The following PHACTR4 variants were observed in gnomAD, a reference collection of about 807,000 sequenced individuals.
PHACTR4 encodes phosphatase and actin regulator 4, also known as protein phosphatase 1, regulatory subunit 124.
Under a neutral mutation model 72.7 loss-of-function variants are expected in PHACTR4, and 51 were observed. The observed-to-expected ratio is 0.70, with a 90% CI of 0.56 to 0.89. PHACTR4 has a LOEUF of 0.89. Among genes scored for constraint, PHACTR4 ranks in the 40% least tolerant of loss-of-function variants. The pLI, the probability that PHACTR4 is intolerant of heterozygous loss-of-function variation, is 0.00. For synonymous variants in PHACTR4, 255 were observed against 302.5 expected, an observed-to-expected ratio of 0.84 and a Z score of 1.63; for missense variants, 731 against 861.8, an observed-to-expected ratio of 0.85 and a Z score of 1.90.
intron 1 of PHACTR4, among the ~76,000 whole-genome samples, chr1:28,380,319 G>A (rs1161582967): frequency 1.3e-5 from 2 of 151,978 alleles, no homozygotes; most frequent in Non-Finnish European, 2.9e-5. Flanking sequence ...GCCTCCCAAA[G>A]TGCTGGGATT....
intron 1 of PHACTR4, among the ~76,000 whole-genome samples, chr1:28,371,245 T>C (rs1012800763): frequency 1.3e-5 from 2 of 152,198 alleles, no homozygotes; most frequent in Non-Finnish European, 2.9e-5. Context: ...CCCAGATGCC[T>C]GGGACTAGAG....
In PHACTR4 at chr1:28,496,536, A is replaced by G; in HGVS notation, c.2096A>G (p.Tyr699Cys). The change falls in exon 14 of 14, where the codon TAC (tyrosine) becomes TGC (cysteine). Residue 699 changes from tyrosine to cysteine, a missense_variant and splice_region_variant. Tyr to Cys is a radical substitution (Grantham distance 194, BLOSUM62 -2). Around this residue, in one of 2 missense-constraint regions of PHACTR4, gnomAD observed 110 missense variants for 185.2 expected, o/e 0.59. Coordinates refer to ENST00000373839, the MANE Select transcript of PHACTR4 (RefSeq NM_001048183.3). ...VHEESKHFTR[Y>C]HRP ...GTCTCTTTTTTAATCTCTTTTAGCT[A>G]CCATCGTCCATGATGCCAAAGGTTG... 1 of 1,613,966 alleles carries G rather than the reference A, an allele frequency of 6.2e-7. No homozygotes were observed. The highest frequency in any genetic ancestry group is 8.5e-7 in the Non-Finnish European group (1 of 1,179,942).
intron 2 of PHACTR4, among the ~76,000 whole-genome samples, chr1:28,425,492 C>T (rs1655782456): frequency 6.6e-6 from 1 of 152,184 alleles, no homozygotes. Flanking sequence ...CCTAGTTCTT[C>T]TACAGGAATT....
rs1001449443 is a variant in PHACTR4 at position 28,446,963 on chromosome 1, C to T, written c.17-12122C>T. On this transcript the variant is annotated intron_variant, in intron 2 of 13. Transcript: ENST00000373839. Reference sequence around the variant, plus strand: ...ACTGCAGAAACATGAGCCAATTAAGCCTCTTTTCTTTATAAATTACCCAGT... The same window carrying T: ...ACTGCAGAAACATGAGCCAATTAAGTCTCTTTTCTTTATAAATTACCCAGT... Among the ~76,000 whole-genome samples the T allele has an allele frequency of 5.9e-5, 9 of 151,878 alleles. 1 individual carries two copies. The South Asian group carries it at 1.9e-3, about 32-fold the overall frequency.
At chr1:28,429,124 T>C (rs1366076763) in intron 2 of PHACTR4, among the ~76,000 whole-genome samples, 1 of 152,204 alleles carries the variant, frequency 6.6e-6, no homozygotes, top group African/African-American at 2.4e-5. Context: ...ACCAGTATTA[T>C]TTGTGGTAAG....
chr1:28,458,111 TGTGTG>T, intron 2 of PHACTR4, among the ~76,000 whole-genome samples: 1 of 27,962 alleles, frequency 3.6e-5, no homozygotes, highest in African/African-American at 2.1e-4. Context: ...TGTGTGTTTG[TGTGTG>T]TGTGTGTGTG....
At chr1:28,489,626 A>G in intron 10 of PHACTR4, 1 of 361,348 alleles carries the variant, frequency 2.8e-6, no homozygotes. Context: ...TCCCAAATGC[A>G]GCAGCTTTTC....
intron 4 of PHACTR4, among the ~76,000 whole-genome samples, chr1:28,461,217 A>T (rs114626775): frequency 2.6e-4 from 40 of 152,122 alleles, no homozygotes; most frequent in Admixed American, 1.2e-3. Context: ...AGACGGGCAG[A>T]ACACTTAAGG....
At chr1:28,453,655 C>T in intron 2 of PHACTR4, 1 of 1,298,542 alleles carries the variant, frequency 7.7e-7, no homozygotes, top group Admixed American at 1.8e-5. Context: ...TTCTAACATC[C>T]AAAAATCAGA....
At chr1:28,450,759 G>A in intron 2 of PHACTR4, among the ~76,000 whole-genome samples, 1 of 151,784 alleles carries the variant, frequency 6.6e-6, no homozygotes, top group African/African-American at 2.4e-5. Context: ...ATCTGGGACT[G>A]CAGGTGCATG....
At position 28,403,402 on chromosome 1, in the gene PHACTR4, C is replaced by G. The variant is rs559612130; in HGVS notation, c.-38-4008C>G. ...GAGAAGGTTGTGACCTTCCTTGAGTCAACTCTTCATATCTGAGGCACTCCC... is the reference window on the plus strand; with the variant it reads ...GAGAAGGTTGTGACCTTCCTTGAGTGAACTCTTCATATCTGAGGCACTCCC... On this transcript the variant is annotated intron_variant, in intron 1 of 13. Coordinates refer to ENST00000373839, the MANE Select transcript of PHACTR4 (RefSeq NM_001048183.3). Among the ~76,000 whole-genome samples, 5 of 152,194 alleles carry G rather than the reference C, an allele frequency of 3.3e-5. No homozygotes were observed. In the South Asian group the frequency reaches 1.0e-3, roughly 32 times the overall value.
intron 1 of PHACTR4, among the ~76,000 whole-genome samples, chr1:28,389,110 A>ATG (rs987599120): frequency 2.3e-4 from 35 of 151,732 alleles, no homozygotes; most frequent in African/African-American, 7.5e-4. Flanking sequence ...TGTAAACTAT[A>ATG]TGTATGATTA....
At chr1:28,492,342 CAGG>C (rs1661087521) in intron 12 of PHACTR4, among the ~76,000 whole-genome samples, 1 of 151,944 alleles carries the variant, frequency 6.6e-6, no homozygotes. Context: ...AAGGCTGAAG[CAGG>C]AGAATTGCTT....
chr1:28,440,532 A>AT (rs1384227308), intron 2 of PHACTR4, among the ~76,000 whole-genome samples: 10 of 150,254 alleles, frequency 6.7e-5, no homozygotes, highest in Admixed American at 6.7e-4. Flanking sequence ...AGTAGCTGAA[A>AT]TTCATCAATT....
chr1:28,394,466 G>A (rs374150624), intron 1 of PHACTR4, among the ~76,000 whole-genome samples: 1 of 152,032 alleles, frequency 6.6e-6, no homozygotes, highest in Admixed American at 6.6e-5. Context: ...TTAAAAAATT[G>A]TTTTTATGGA....
At chr1:28,438,545 G>C in intron 2 of PHACTR4, 1 of 1,117,734 alleles carries the variant, frequency 8.9e-7, no homozygotes, top group Non-Finnish European at 1.3e-6. Flanking sequence ...TCCCAACTTT[G>C]AAATGTTTAT....
At chr1:28,399,985 G>A (rs1653819863) in intron 1 of PHACTR4, among the ~76,000 whole-genome samples, 1 of 152,212 alleles carries the variant, frequency 6.6e-6, no homozygotes, top group African/African-American at 2.4e-5. Context: ...AGTAAGCTCA[G>A]TATGGGTAAA....
intron 2 of PHACTR4, among the ~76,000 whole-genome samples, chr1:28,440,637 T>G (rs918672356): frequency 6.6e-6 from 1 of 151,994 alleles, no homozygotes; most frequent in Non-Finnish European, 1.5e-5. Context: ...GGATTTAATT[T>G]TGGGGTTTTA....
chr1:28,396,414 C>T (rs751614058), intron 1 of PHACTR4, among the ~76,000 whole-genome samples: 2 of 151,478 alleles, frequency 1.3e-5, no homozygotes, highest in Non-Finnish European at 2.9e-5. Flanking sequence ...ACCTTTAATC[C>T]CAGCTACTCG....
Sources: gnomAD v4.1 joint callset for allele counts (sites outside exome capture counted in the v4.1 genomes callset) on GRCh38, gnomAD v4.1.1 for gene constraint, gnomAD v4.1.1 regional missense constraint, MANE v1.5 for transcripts, NCBI Gene and HGNC (gene_info 2026-07-23, HGNC 2026-07-21) for gene names.